ATAD2B: variants seen among roughly 807,000 people sequenced by gnomAD.
ATAD2B encodes ATPase family AAA domain containing 2B.
In ATAD2B, 40 loss-of-function variants were observed where a neutral mutation model predicts 167.6. The observed-to-expected ratio is 0.24, with a 90% confidence interval of 0.19 to 0.31. The LOEUF is 0.31. ATAD2B is among the 10% of genes least tolerant of loss of function. The pLI is 1.00. For missense variants in ATAD2B, 1,242 were observed against 1,757.2 expected (o/e 0.71, Z 5.24); for synonymous variants, 579 against 596.5 (o/e 0.97, Z 0.43).
chr2:23,918,259 T>A (rs1015633148), intron 1 of ATAD2B, among the ~76,000 whole-genome samples: 13 of 149,868 alleles, frequency 8.7e-5, no homozygotes, highest in Non-Finnish European at 1.8e-4. Flanking sequence ...GTAGTCCCAG[T>A]TACTCAGAGG....
chr2:23,799,957 G>T (rs1683220242), intron 18 of ATAD2B: 1 of 151,920 alleles, frequency 6.6e-6, no homozygotes, highest in South Asian at 2.1e-4. Context: ...TCCTATCCTG[G>T]ATCTTGGAAA....
At chr2:23,830,172 C>T (rs1012491209) in intron 14 of ATAD2B, among the ~76,000 whole-genome samples, 7 of 151,952 alleles carry the variant, frequency 4.6e-5, no homozygotes, top group Admixed American at 3.9e-4. Flanking sequence ...TTAGTAGAGA[C>T]GGAGTTTCAC....
chr2:23,725,114 G>A, the ATAD2B span, among the ~76,000 whole-genome samples: 1,230 of 148,952 alleles, frequency 8.3e-3, 15 homozygotes, highest in African/African-American at 0.029. Flanking sequence ...TCAAATGACT[G>A]TGAATTTCTC....
chr2:23,810,441 A>T lies in ATAD2B; in HGVS notation c.2329T>A (p.Ser777Thr). The T allele has an allele frequency of 1.2e-6, 2 of 1,613,934 alleles. No individual in the cohort carries two copies. The highest frequency in any genetic ancestry group is 1.7e-6 in the Non-Finnish European group (2 of 1,179,842). The change falls in exon 18 of 28, where the codon TCA becomes ACA. Residue 777 changes from serine (S) to threonine (T), a missense_variant. By Grantham distance (58) the Ser-to-Thr change is moderately conservative. Transcript: ENST00000238789. The part of the protein sequence containing the change: ...PRLLLSGERG[S>T]GQTSHLAPAL... ...GGAGCAAGGTGAGAAGTTTGACCTGAGCCCCGTTCTCCAGAGAGCAATAAG... is the reference window on the plus strand; with the variant it reads ...GGAGCAAGGTGAGAAGTTTGACCTGTGCCCCGTTCTCCAGAGAGCAATAAG...
chr2:23,886,554 A>G (rs76687049), intron 4 of ATAD2B, among the ~76,000 whole-genome samples: 1 of 152,336 alleles, frequency 6.6e-6, no homozygotes, highest in East Asian at 1.9e-4. Flanking sequence ...TATAAAATAA[A>G]ACAATTTGTA....
At chr2:23,789,039 G>A (rs1476690539) in intron 19 of ATAD2B, among the ~76,000 whole-genome samples, 2 of 150,548 alleles carry the variant, frequency 1.3e-5, no homozygotes, top group East Asian at 2.0e-4. Flanking sequence ...TCTTATCCTC[G>A]TATTTCTTTG....
At chr2:23,708,136 G>A in the ATAD2B span, 1 of 152,246 alleles carries the variant, frequency 6.6e-6, no homozygotes, top group East Asian at 1.9e-4. Flanking sequence ...CCATCGTTCA[G>A]TATTTGATGA....
In ATAD2B at chr2:23,895,923, TGGA is replaced by T; in HGVS notation, c.261_263del (p.Pro88del). 1 of 1,613,438 alleles carries T rather than the reference TGGA, an allele frequency of 6.2e-7. No individual in the cohort carries two copies. Among genetic ancestry groups the T allele is most frequent in the Non-Finnish European group, 8.5e-7 (1 of 1,179,502 alleles). On this transcript the variant is annotated inframe_deletion, in exon 2 of 28. Transcript: ENST00000238789. ...CAGGTTGTTTCAAAGTGCGTTTGGC[TGGA>T]GGAGATACGTGGCTATCACTTAAAC...
chr2:23,897,916 G>A (rs1421597790), intron 1 of ATAD2B, among the ~76,000 whole-genome samples: 3 of 152,208 alleles, frequency 2.0e-5, no homozygotes, highest in African/African-American at 7.2e-5. Context: ...GCTCTCAGCA[G>A]AGAGAGCTAA....
intron 19 of ATAD2B, among the ~76,000 whole-genome samples, chr2:23,796,701 A>C (rs1357629156): frequency 6.6e-6 from 1 of 152,200 alleles, no homozygotes; most frequent in Non-Finnish European, 1.5e-5. Flanking sequence ...ATCCAGGTTC[A>C]GTCCATTCCT....
At chr2:23,721,691 C>T in the ATAD2B span, among the ~76,000 whole-genome samples, 1 of 152,238 alleles carries the variant, frequency 6.6e-6, no homozygotes, top group East Asian at 1.9e-4. Context: ...GCTGTATGCC[C>T]ACATGCTAAG....
intron 1 of ATAD2B, among the ~76,000 whole-genome samples, chr2:23,897,693 C>T (rs1004041826): frequency 6.6e-6 from 1 of 152,188 alleles, no homozygotes; most frequent in Non-Finnish European, 1.5e-5. Flanking sequence ...AAAGCAATTC[C>T]TGTGTCTTTT....
chr2:23,910,323 C>T (rs1702104348), intron 1 of ATAD2B, among the ~76,000 whole-genome samples: 2 of 151,516 alleles, frequency 1.3e-5, no homozygotes, highest in South Asian at 4.2e-4. Flanking sequence ...GGATTACAAG[C>T]ATGCACCACG....
At chr2:23,806,422 G>C (rs1684395117) in intron 18 of ATAD2B, among the ~76,000 whole-genome samples, 1 of 152,096 alleles carries the variant, frequency 6.6e-6, no homozygotes, top group African/African-American at 2.4e-5. Context: ...AGTCTCTTCT[G>C]TTCTATTACT....
At chr2:23,721,203 G>A in the ATAD2B span, among the ~76,000 whole-genome samples, 6 of 152,194 alleles carry the variant, frequency 3.9e-5, no homozygotes, top group South Asian at 8.3e-4. Context: ...GCAGCTAAAC[G>A]CCTGCACCCA....
rs190523360 is a variant in ATAD2B at position 23,834,342 on chromosome 2, A to G, written c.1569-264T>C. Reference sequence around the variant, plus strand: ...ACGCCCAGCTAATTTTTGTATTTTTAGTAGAGATGGGGTTTCGCTATATTG... The same window carrying G: ...ACGCCCAGCTAATTTTTGTATTTTTGGTAGAGATGGGGTTTCGCTATATTG... On this transcript the variant is annotated intron_variant, in intron 13 of 27. Transcript: ENST00000238789. Among the ~76,000 whole-genome samples, 967 of 151,604 alleles carry G rather than the reference A, an allele frequency of 6.4e-3. 5 individuals carry two copies. Among genetic ancestry groups the G allele is most frequent in the Non-Finnish European group, 9.9e-3 (671 of 67,866 alleles).
the ATAD2B span, chr2:23,691,862 G>T: frequency 6.4e-7 from 1 of 1,550,420 alleles, no homozygotes; most frequent in Non-Finnish European, 8.7e-7. Flanking sequence ...TGCAAAGTCT[G>T]CGTGTCCTTT....
chr2:23,816,887 T>C (rs1463557505), intron 17 of ATAD2B, among the ~76,000 whole-genome samples: 2 of 152,146 alleles, frequency 1.3e-5, no homozygotes, highest in Non-Finnish European at 2.9e-5. Flanking sequence ...TTATATTAAA[T>C]GTAAAAAAGA....
intron 18 of ATAD2B, chr2:23,809,107 A>G (rs1010168715): frequency 1.3e-5 from 2 of 152,082 alleles, no homozygotes; most frequent in African/African-American, 4.8e-5. Context: ...TTTTCTACTA[A>G]ATCATTTGTA....
Sources: allele counts gnomAD v4.1 joint callset (sites outside exome capture counted in the v4.1 genomes callset), GRCh38; gene constraint gnomAD v4.1.1; transcripts MANE v1.5; gene names NCBI Gene and HGNC (gene_info 2026-07-23, HGNC 2026-07-21).